Variants in FLI1 observed in about 807,000 individuals in gnomAD.
FLI1 encodes the protein Friend leukemia integration 1 transcription factor.
A neutral mutation model predicts 53.1 loss-of-function variants in FLI1; 13 were observed. The observed-to-expected ratio is 0.24, with a 90% CI of 0.16 to 0.39. The LOEUF (loss-of-function observed/expected upper bound fraction) is 0.39, where lower values mean the gene tolerates loss of function less well. Ranked by LOEUF, FLI1 falls within the 10% of genes least tolerant of loss-of-function variation. FLI1 has a pLI of 1.00. For missense variants in FLI1, 424 were observed against 600.5 expected, an observed-to-expected ratio of 0.71 and a Z score of 3.07; for synonymous variants, 244 against 236.7, an observed-to-expected ratio of 1.03 and a Z score of -0.28.
intron 4 of FLI1, among the ~76,000 whole-genome samples, chr11:128,776,622 G>T (rs950195129): frequency 1.3e-5 from 2 of 152,198 alleles, no homozygotes; most frequent in African/African-American, 4.8e-5. Flanking sequence ...CCGCACTCTG[G>T]CCTGGGCGAT....
intron 3 of FLI1, among the ~76,000 whole-genome samples, chr11:128,770,843 G>A (rs558848877): frequency 2.3e-4 from 35 of 152,324 alleles, no homozygotes; most frequent in Non-Finnish European, 4.3e-4. Context: ...TGCTTCTGGA[G>A]AGTAAAAGAG....
chr11:128,764,849 A>G (rs1202626541), intron 2 of FLI1: 2 of 1,589,210 alleles, frequency 1.3e-6, no homozygotes, highest in Non-Finnish European at 1.7e-6. Flanking sequence ...TCTCTCCCTG[A>G]GCAGTGGGAG....
intron 3 of FLI1, chr11:128,768,512 C>T: frequency 5.2e-6 from 2 of 381,548 alleles, no homozygotes; most frequent in South Asian, 2.8e-5. Context: ...AACCTCATCT[C>T]TACTAAAAAA....
At chr11:128,689,405 T>C (rs1001057812), upstream of FLI1, among the ~76,000 whole-genome samples, 5 of 152,134 alleles carry the variant, frequency 3.3e-5, no homozygotes, top group Non-Finnish European at 7.4e-5. Flanking sequence ...TTTCTCCTTG[T>C]GTACCCCCCA....
intron 2 of FLI1, among the ~76,000 whole-genome samples, chr11:128,764,196 A>G (rs1366610589): frequency 6.6e-6 from 1 of 152,242 alleles, no homozygotes; most frequent in Non-Finnish European, 1.5e-5. Context: ...CTTCAGGAGA[A>G]GTCTTTGAAA....
At chr11:128,751,496 C>T (rs1330518788) in intron 1 of FLI1, among the ~76,000 whole-genome samples, 1 of 151,770 alleles carries the variant, frequency 6.6e-6, no homozygotes, top group Non-Finnish European at 1.5e-5. Context: ...ACCACAGACA[C>T]ACCACCACAC....
At chr11:128,685,618 G>A (rs765988463), upstream of FLI1, among the ~76,000 whole-genome samples, 1 of 150,830 alleles carries the variant, frequency 6.6e-6, no homozygotes, top group Non-Finnish European at 1.5e-5. Context: ...AAGAAAGTGC[G>A]CCTGGGCGGA....
chr11:128,699,048 C>T (rs614542), intron 1 of FLI1, among the ~76,000 whole-genome samples: 67,074 of 151,864 alleles, frequency 0.44, 15,032 homozygotes, highest in African/African-American at 0.49. Context: ...GGTAGACAGA[C>T]GGAATTCTTA....
chr11:128,714,205 G>GAA (rs11301098), intron 1 of FLI1, among the ~76,000 whole-genome samples: 145 of 97,426 alleles, frequency 1.5e-3, no homozygotes, highest in South Asian at 7.1e-3. Flanking sequence ...TCACTGGCCA[G>GAA]AAAAAAAAAA....
At chr11:128,781,887 C>A in intron 4 of FLI1, 71 bp from the exon 5 acceptor site, 1 of 1,211,934 alleles carries the variant, frequency 8.3e-7, no homozygotes, top group South Asian at 1.2e-5. Flanking sequence ...CTACTCCCTC[C>A]TCATGTCATC....
chr11:128,771,290 C>G (rs1941546140), intron 3 of FLI1, among the ~76,000 whole-genome samples: 1 of 152,260 alleles, frequency 6.6e-6, no homozygotes, highest in South Asian at 2.1e-4. Context: ...AACTCCTCCC[C>G]TTTGCCAGCT....
chr11:128,764,548 G>C, intron 2 of FLI1: 1 of 1,074,308 alleles, frequency 9.3e-7, no homozygotes, highest in Non-Finnish European at 1.4e-6. Context: ...CTAGCTGTAA[G>C]TGCAGGTCTT....
chr11:128,781,989 C>T lies in FLI1; in HGVS notation c.621C>T (p.His207=). The part of the protein sequence containing the change: ...SSLLAYNTTS[H]TDQSSRLSVK... ...TGCTGGCCTATAATACAACCTCCCA[C>T]ACCGACCAATCCTCACGATTGAGTG... Residue 207 remains histidine, a synonymous_variant, in exon 5 of 9, where the codon CAC becomes CAT. Coordinates refer to ENST00000527786, the MANE Select transcript of FLI1 (RefSeq NM_002017.5). 6.2e-7 allele frequency: 1 copy of T among 1,613,968 alleles called. No individual in the cohort carries two copies. The highest frequency in any genetic ancestry group is 8.5e-7 in the Non-Finnish European group (1 of 1,179,836).
At position 128,795,708 on chromosome 11, in the gene FLI1, G is replaced by A. The variant is rs1433147565; in HGVS notation, c.656-9658G>A. Among the ~76,000 whole-genome samples, 6 of 151,604 alleles carry A rather than the reference G, an allele frequency of 4.0e-5. 1 individual carries two copies. The South Asian group carries it at 1.0e-3, about 26-fold the overall frequency. Reference sequence around the variant, plus strand: ...TGGGACTACAGGCACCCACCACCACGCCCAACTAATTTTTTGTATTTTTAG... The same window carrying A: ...TGGGACTACAGGCACCCACCACCACACCCAACTAATTTTTTGTATTTTTAG... On this transcript the variant is annotated intron_variant, in intron 5 of 8. Transcript: ENST00000527786.
At chr11:128,698,711 C>CGTGTGTGTGT (rs10557859) in intron 1 of FLI1, among the ~76,000 whole-genome samples, 2,136 of 144,452 alleles carry the variant, frequency 0.015, 52 homozygotes, top group East Asian at 0.054. Flanking sequence ...TATGTGTTTG[C>CGTGTGTGTGT]GTGTGTGTGT....
chr11:128,802,842 A>T (rs183659021), intron 5 of FLI1, among the ~76,000 whole-genome samples: 19 of 152,340 alleles, frequency 1.2e-4, no homozygotes, highest in African/African-American at 4.6e-4. Context: ...GGTGACAGGG[A>T]ATTCCATCAT....
At chr11:128,743,490 A>G (rs1215005884) in intron 1 of FLI1, among the ~76,000 whole-genome samples, 2 of 152,038 alleles carry the variant, frequency 1.3e-5, no homozygotes, top group Non-Finnish European at 2.9e-5. Context: ...AACGGGACAA[A>G]GGAGCTCAGA....
At chr11:128,691,434 G>A (rs1937735471), upstream of FLI1, among the ~76,000 whole-genome samples, 1 of 152,198 alleles carries the variant, frequency 6.6e-6, no homozygotes, top group South Asian at 2.1e-4. Flanking sequence ...TCAGAGTTAG[G>A]TGGGGTCTTC....
intron 1 of FLI1, among the ~76,000 whole-genome samples, chr11:128,712,856 C>G (rs190443596): frequency 1.3e-5 from 2 of 152,308 alleles, no homozygotes; most frequent in Non-Finnish European, 2.9e-5. Flanking sequence ...CAATTTCTCT[C>G]TACCCTTCAT....
Sources: gnomAD v4.1 joint callset for allele counts (sites outside exome capture counted in the v4.1 genomes callset) on GRCh38, gnomAD v4.1.1 for gene constraint, MANE v1.5 for transcripts, NCBI Gene and HGNC (gene_info 2026-07-23, HGNC 2026-07-21) for gene names.